NME9: variants seen among roughly 807,000 people sequenced by gnomAD.
NME9 encodes NME/NM23 family member 9.
Under a neutral mutation model 44.4 loss-of-function variants are expected in NME9, and 48 were observed. That is an observed-to-expected ratio of 1.08 (90% CI 0.86 to 1.37). The LOEUF (loss-of-function observed/expected upper bound fraction) is 1.37, where lower values mean the gene tolerates loss of function less well. Among genes scored for constraint, NME9 ranks in the 40% most tolerant of loss-of-function variants. The probability of loss-of-function intolerance (pLI) is 0.00; values close to 1 mark genes in which losing one functional copy is unlikely to be tolerated. For synonymous variants in NME9, 139 were observed against 147.1 expected (o/e 0.94, Z 0.40); for missense variants, 325 against 405.2 (o/e 0.80, Z 1.70).
At chr3:138,312,978 T>A (rs934512386) in intron 6 of NME9, among the ~76,000 whole-genome samples, 1 of 151,938 alleles carries the variant, frequency 6.6e-6, no homozygotes, top group Non-Finnish European at 1.5e-5. Context: ...AAAAAAGACA[T>A]AAAAATGGCC....
At chr3:138,316,466 C>T (rs764893446) in intron 4 of NME9, among the ~76,000 whole-genome samples, 1 of 152,124 alleles carries the variant, frequency 6.6e-6, no homozygotes, top group Admixed American at 6.5e-5. Context: ...GAAATAATTG[C>T]TGTAATAGGG....
chr3:138,296,546 AAAAAG>A (rs969314149), downstream of NME9: 49 of 151,718 alleles, frequency 3.2e-4, no homozygotes, highest in African/African-American at 1.1e-3. Context: ...TTATATAAAA[AAAAAG>A]AAAAAAAAAG....
At position 138,318,206 on chromosome 3, in the gene NME9, C is replaced by T. The variant is rs775752462; in HGVS notation, c.209G>A (p.Arg70His). The change falls in exon 4 of 11, where the codon CGT becomes CAT. Residue 70 changes from arginine (R) to histidine (H), a missense_variant. Physicochemically the swap from Arg to His is conservative, Grantham distance 29 (BLOSUM62 0). Transcript: ENST00000333911. ...TCTGTACTTTTCGAGGACATCAAGA[C>T]GATCTGCCTCTGCCTAAAGAAAGCC... ...LLHFALAEAD[R>H]LDVLEKYRGK... is the part of the protein sequence containing the mutation. The T allele has an allele frequency of 2.4e-5, 39 of 1,611,728 alleles. No individual in the cohort carries two copies. The highest frequency in any genetic ancestry group is 6.7e-5 in the African/African-American group (5 of 74,870).
At chr3:138,325,009 CTCTCT>C (rs2053691732) in intron 1 of NME9, 79 bp from the exon 2 acceptor site, 2 of 1,152,252 alleles carry the variant, frequency 1.7e-6, no homozygotes, top group Non-Finnish European at 2.6e-6. Flanking sequence ...CTCTAGATTT[CTCTCT>C]TCTATCTCTG....
At chr3:138,286,728 GT>G (rs1220151522) in intron 8 of NME9, among the ~76,000 whole-genome samples, 1 of 152,072 alleles carries the variant, frequency 6.6e-6, no homozygotes, top group Non-Finnish European at 1.5e-5. Context: ...TACAGACAGA[GT>G]TGAGAACCAT....
At position 138,319,634 on chromosome 3, in the gene NME9, C is replaced by T. The variant is rs990379027; in HGVS notation, c.92-53G>A. The T allele has an allele frequency of 2.7e-5, 25 of 910,922 alleles. No individual in the cohort carries two copies. In the African/African-American group the frequency reaches 3.1e-4, roughly 11 times the overall value. 56.4% of individuals were successfully genotyped at this position (910,922 alleles called of 1,614,324 possible). A position where few individuals can be genotyped will look rare whatever the true frequency, so the allele number is the denominator to read the frequency against. ...TCAGTAGACGCCAGTGCCCACCACA[C>T]CATGCATAATTTATACCTGTACATT... On this transcript the variant is annotated intron_variant, in intron 2 of 10. Transcript: ENST00000333911.
chr3:138,325,184 CA>C, intron 1 of NME9, among the ~76,000 whole-genome samples: 1 of 152,226 alleles, frequency 6.6e-6, no homozygotes, highest in Admixed American at 6.5e-5. Flanking sequence ...TGTCCAGGAA[CA>C]ATATATAAAT....
intron 2 of NME9, among the ~76,000 whole-genome samples, chr3:138,322,693 A>C (rs185934045): frequency 1.9e-4 from 29 of 152,286 alleles, no homozygotes; most frequent in Non-Finnish European, 3.8e-4. Context: ...CCATATCTAT[A>C]TATTCCTCTA....
chr3:138,283,905 A>G (rs1257844362), intron 8 of NME9, among the ~76,000 whole-genome samples: 1 of 152,222 alleles, frequency 6.6e-6, no homozygotes, highest in Admixed American at 6.5e-5. Flanking sequence ...TCCTAAGTGC[A>G]CATGGCTGGT....
In NME9 at chr3:138,329,645, G is replaced by A; in HGVS notation, c.-310C>T. The A allele has an allele frequency of 7.9e-7, 1 of 1,269,428 alleles. No homozygotes were observed. Among genetic ancestry groups the A allele is most frequent in the South Asian group, 2.1e-5 (1 of 46,600 alleles). The allele number at this position is 1,269,428 out of a possible 1,614,324, so 78.6% of individuals were successfully genotyped here. A position where few individuals can be genotyped will look rare whatever the true frequency, so the allele number is the denominator to read the frequency against. On this transcript the variant is annotated 5_prime_UTR_variant, in exon 1 of 11. Transcript: ENST00000333911. Reference sequence around the variant, plus strand: ...CCAGGGGGCGCGCGCAGAGGCCGGAGTCAGTGCGCCGGGCGCGGTGCAGCC... The same window carrying A: ...CCAGGGGGCGCGCGCAGAGGCCGGAATCAGTGCGCCGGGCGCGGTGCAGCC...
Position 138,306,404 on chromosome 3 carries a change from GA to G in NME9, c.536del (p.Ile179ThrfsTer2). The stretch of plus-strand genomic sequence containing the variant: ...TAAGTGTTGTCTCTCTTACCTTCAT[GA>G]TAATCTCATCAGTCTTTCCATGGGC... ...AVAHGKTDEI[I>X]MKIQEAGFEI... On this transcript the variant is annotated frameshift_variant, in exon 7 of 11. Transcript: ENST00000333911. LOFTEE classifies it high-confidence loss of function. 1 of 1,608,306 alleles carries G rather than the reference GA, an allele frequency of 6.2e-7. No homozygotes were observed. Among genetic ancestry groups the G allele is most frequent in the Non-Finnish European group, 8.5e-7 (1 of 1,174,680 alleles).
chr3:138,275,323 C>T (rs1451826465), intron 8 of NME9, among the ~76,000 whole-genome samples: 5 of 152,160 alleles, frequency 3.3e-5, no homozygotes, highest in South Asian at 4.2e-4. Context: ...TTTGGGAGGC[C>T]GAGGTGGGCG....
chr3:138,318,062 G>A (rs1266965135), intron 4 of NME9, 86 bp downstream of exon 4: 2 of 871,856 alleles, frequency 2.3e-6, no homozygotes, highest in African/African-American at 3.3e-5. Context: ...TTCTCCAAGA[G>A]TGAATTAATG....
chr3:138,314,382 T>G lies in NME9; in HGVS notation c.410A>C (p.Glu137Ala). The G allele has an allele frequency of 6.2e-7, 1 of 1,609,262 alleles. No homozygotes were observed. Among genetic ancestry groups the G allele is most frequent in the East Asian group, 2.2e-5 (1 of 44,736 alleles). Reference sequence around the variant, plus strand: ...CTTTCCATGGGAAACACATTCATCTTCATCAGAAAGAGCCTCATCTTTAAT... The same window carrying G: ...CTTTCCATGGGAAACACATTCATCTGCATCAGAAAGAGCCTCATCTTTAAT... Reference protein sequence around the residue: ...KVIKDEALSDEDECVSHGKNN... With the variant: ...KVIKDEALSDADECVSHGKNN... Residue 137 changes from glutamate to alanine, a missense_variant, in exon 6 of 11, where the codon GAA becomes GCA. Physicochemically the swap from Glu to Ala is moderately radical, Grantham distance 107 (BLOSUM62 -1). Transcript: ENST00000333911.
downstream of NME9, chr3:138,297,834 A>C (rs966695698): frequency 6.6e-6 from 1 of 152,234 alleles, no homozygotes; most frequent in African/African-American, 2.4e-5. Flanking sequence ...TTTTTAACAC[A>C]AAACACTATA....
At chr3:138,274,377 CT>C (rs1214674124) in intron 8 of NME9, 6 of 1,009,612 alleles carry the variant, frequency 5.9e-6, no homozygotes, top group African/African-American at 3.2e-5. Flanking sequence ...ATTGTTTTAA[CT>C]TTTAGAAGCC....
intron 8 of NME9, chr3:138,290,494 AG>A: frequency 7.6e-7 from 1 of 1,323,960 alleles, no homozygotes; most frequent in Non-Finnish European, 1.1e-6. Flanking sequence ...TGTACATCAA[AG>A]AGAGCATTTG....
intron 8 of NME9, among the ~76,000 whole-genome samples, chr3:138,266,168 CT>C (rs1223543663): frequency 6.6e-6 from 1 of 152,188 alleles, no homozygotes. Flanking sequence ...GAGTTTCACT[CT>C]TTTTCACCCT....
At position 138,301,398 on chromosome 3, in the gene NME9, T is replaced by G; in HGVS notation, c.*242A>C. On this transcript the variant is annotated 3_prime_UTR_variant, in exon 11 of 11. Coordinates refer to ENST00000333911, the MANE Select transcript of NME9 (RefSeq NM_001349018.2). ...TTTTGTATTTTTAGTAGAGACAGGG[T>G]TTCACCATGTTGGCTAGGCTGGTGT... 1.5e-6 allele frequency: 1 copy of G among 665,862 alleles called. No homozygotes were observed. Among genetic ancestry groups the G allele is most frequent in the South Asian group, 2.4e-5 (1 of 42,304 alleles). 41.2% of individuals were successfully genotyped at this position (665,862 alleles called of 1,614,324 possible). A position where few individuals can be genotyped will look rare whatever the true frequency, so the allele number is the denominator to read the frequency against.
Sources: gnomAD v4.1 joint callset for allele counts (sites outside exome capture counted in the v4.1 genomes callset) on GRCh38, gnomAD v4.1.1 for gene constraint, MANE v1.5 for transcripts, NCBI Gene and HGNC (gene_info 2026-07-23, HGNC 2026-07-21) for gene names.